GMDS: variants seen among roughly 807,000 people sequenced by gnomAD.
GMDS encodes GDP-mannose 4,6-dehydratase, also known as GDP-mannose 4,6 dehydratase.
Under a neutral mutation model 49.9 loss-of-function variants are expected in GMDS, and 20 were observed. That is an observed-to-expected ratio of 0.40 (90% CI 0.28 to 0.58). The LOEUF is 0.58. GMDS is among the 20% of genes least tolerant of loss of function. GMDS has a pLI of 0.42. For missense variants in GMDS, 362 were observed against 481.4 expected, an observed-to-expected ratio of 0.75 and a Z score of 2.32; for synonymous variants, 177 against 178.6, an observed-to-expected ratio of 0.99 and a Z score of 0.07.
intron 7 of GMDS, among the ~76,000 whole-genome samples, chr6:1,769,763 C>T (rs557214729): frequency 7.2e-5 from 11 of 151,862 alleles, no homozygotes; most frequent in Non-Finnish European, 1.0e-4. Context: ...AGTGCAGTGG[C>T]GTGATCTCCA....
intron 4 of GMDS, among the ~76,000 whole-genome samples, chr6:1,998,460 G>A (rs1479640070): frequency 6.6e-6 from 1 of 152,086 alleles, no homozygotes; most frequent in Non-Finnish European, 1.5e-5. Context: ...ATGCTAAAAA[G>A]TATAGAGCAA....
chr6:2,163,230 C>T (rs919243361), intron 1 of GMDS, among the ~76,000 whole-genome samples: 1 of 151,278 alleles, frequency 6.6e-6, no homozygotes, highest in Non-Finnish European at 1.5e-5. Context: ...AGGGAAGTGT[C>T]AGAAATCCTG....
At chr6:1,838,385 C>T (rs1209355608) in intron 7 of GMDS, among the ~76,000 whole-genome samples, 1 of 152,162 alleles carries the variant, frequency 6.6e-6, no homozygotes, top group Admixed American at 6.5e-5. Flanking sequence ...TGAAATTACT[C>T]CTAACAACTT....
intron 4 of GMDS, among the ~76,000 whole-genome samples, chr6:2,100,375 T>C (rs1773852326): frequency 6.6e-6 from 1 of 152,074 alleles, no homozygotes; most frequent in Non-Finnish European, 1.5e-5. Flanking sequence ...AAATAACTTC[T>C]AAGTTTTCAA....
intron 1 of GMDS, among the ~76,000 whole-genome samples, chr6:2,233,068 A>G (rs1366256561): frequency 6.6e-6 from 1 of 152,210 alleles, no homozygotes; most frequent in Non-Finnish European, 1.5e-5. Flanking sequence ...TTCTGGAACT[A>G]GAGTGGTAAA....
intron 8 of GMDS, among the ~76,000 whole-genome samples, chr6:1,733,311 T>C (rs1766887351): frequency 6.6e-6 from 1 of 152,100 alleles, no homozygotes; most frequent in South Asian, 2.1e-4. Context: ...TGGGCAGATG[T>C]CAGGAGGATG....
At chr6:2,061,780 C>A (rs186198374) in intron 4 of GMDS, among the ~76,000 whole-genome samples, 275 of 149,100 alleles carry the variant, frequency 1.8e-3, no homozygotes, top group Non-Finnish European at 3.3e-3. Flanking sequence ...TTTGAAACTA[C>A]CTCAGTTGGA....
At chr6:2,175,504 T>C (rs1392430543) in intron 1 of GMDS, among the ~76,000 whole-genome samples, 1 of 152,200 alleles carries the variant, frequency 6.6e-6, no homozygotes, top group Non-Finnish European at 1.5e-5. Context: ...GAGGGAGTTG[T>C]GTCGACAGAA....
intron 7 of GMDS, among the ~76,000 whole-genome samples, chr6:1,848,137 C>T (rs374025631): frequency 5.3e-5 from 8 of 152,172 alleles, no homozygotes; most frequent in African/African-American, 1.4e-4. Flanking sequence ...AGATCCACAC[C>T]GGCTACAGAG....
At chr6:2,208,074 G>A (rs531595945) in intron 1 of GMDS, among the ~76,000 whole-genome samples, 10 of 151,784 alleles carry the variant, frequency 6.6e-5, no homozygotes, top group Non-Finnish European at 1.0e-4. Context: ...GCTTTACTCT[G>A]TTAGGATTAG....
At chr6:1,687,309 G>A (rs535477053) in intron 9 of GMDS, among the ~76,000 whole-genome samples, 19 of 152,336 alleles carry the variant, frequency 1.2e-4, no homozygotes, top group African/African-American at 3.6e-4. Context: ...CGCACTTCAC[G>A]GGCTGGTTGG....
intron 8 of GMDS, among the ~76,000 whole-genome samples, chr6:1,741,980 G>T (rs1417057349): frequency 3.3e-5 from 5 of 150,440 alleles, no homozygotes; most frequent in Admixed American, 6.6e-5. Flanking sequence ...GGAGTGCAAT[G>T]GCATGATCTC....
chr6:1,812,579 G>A (rs1770482909), intron 7 of GMDS, among the ~76,000 whole-genome samples: 1 of 152,008 alleles, frequency 6.6e-6, no homozygotes, highest in African/African-American at 2.4e-5. Context: ...GGACACAGAG[G>A]AGAAGCCACA....
At chr6:1,892,898 G>A (rs1286770267) in intron 7 of GMDS, among the ~76,000 whole-genome samples, 1 of 152,158 alleles carries the variant, frequency 6.6e-6, no homozygotes, top group Non-Finnish European at 1.5e-5. Flanking sequence ...AGATAAGACC[G>A]CTGCACAGAA....
chr6:2,112,450 G>A (rs1260518804), intron 4 of GMDS, among the ~76,000 whole-genome samples: 1 of 152,008 alleles, frequency 6.6e-6, no homozygotes, highest in African/African-American at 2.4e-5. Flanking sequence ...CTCAAAGTGC[G>A]GTTCCCAGAC....
At chr6:2,049,399 C>G (rs1187953458) in intron 4 of GMDS, among the ~76,000 whole-genome samples, 1 of 152,188 alleles carries the variant, frequency 6.6e-6, no homozygotes, top group Non-Finnish European at 1.5e-5. Flanking sequence ...GCAACGCTGT[C>G]TCATTTGCTG....
At chr6:1,714,993 A>G (rs571997520) in intron 9 of GMDS, among the ~76,000 whole-genome samples, 15 of 152,344 alleles carry the variant, frequency 9.8e-5, no homozygotes, top group African/African-American at 3.6e-4. Context: ...CAGTTGGGAT[A>G]GATCAACAAG....
At chr6:1,825,317 C>T (rs572829443) in intron 7 of GMDS, among the ~76,000 whole-genome samples, 2 of 152,304 alleles carry the variant, frequency 1.3e-5, no homozygotes, top group South Asian at 2.1e-4. Context: ...CATATATTTT[C>T]TTACCTCTTA....
At chr6:2,195,710 G>A (rs1779248469) in intron 1 of GMDS, among the ~76,000 whole-genome samples, 1 of 151,678 alleles carries the variant, frequency 6.6e-6, no homozygotes, top group Non-Finnish European at 1.5e-5. Flanking sequence ...GGTTGGGTAT[G>A]GCAGCTCATG....
Sources: gnomAD v4.1 joint callset for allele counts (sites outside exome capture counted in the v4.1 genomes callset) on GRCh38, gnomAD v4.1.1 for gene constraint, MANE v1.5 for transcripts, NCBI Gene and HGNC (gene_info 2026-07-23, HGNC 2026-07-21) for gene names.